PHLPP1: variants seen among roughly 807,000 people sequenced by gnomAD.
PHLPP1 encodes PH domain and leucine rich repeat protein phosphatase 1.
A neutral mutation model predicts 117.2 loss-of-function variants in PHLPP1; 42 were observed. That is an observed-to-expected ratio of 0.36 (90% confidence interval 0.28 to 0.46). PHLPP1 has a LOEUF of 0.46. Among genes scored for constraint, PHLPP1 ranks in the 20% least tolerant of loss-of-function variants. The pLI is 1.00. For missense variants in PHLPP1, 2,084 were observed against 2,241.9 expected (o/e 0.93, Z 1.42); for synonymous variants, 1,042 against 970.7 (o/e 1.07, Z -1.37).
At chr18:62,854,170 G>A (rs976669081) in intron 3 of PHLPP1, among the ~76,000 whole-genome samples, 1 of 152,212 alleles carries the variant, frequency 6.6e-6, no homozygotes, top group African/African-American at 2.4e-5. Context: ...TATCTTGTCT[G>A]TGGTTATAAG....
At chr18:62,810,361 A>G (rs1315307884) in intron 1 of PHLPP1, among the ~76,000 whole-genome samples, 2 of 152,158 alleles carry the variant, frequency 1.3e-5, no homozygotes, top group Non-Finnish European at 2.9e-5. Flanking sequence ...GTGATTAAGT[A>G]ATTTTTTTTT....
At chr18:62,916,669 G>A (rs975290782) in intron 9 of PHLPP1, among the ~76,000 whole-genome samples, 4 of 145,452 alleles carry the variant, frequency 2.8e-5, no homozygotes, top group African/African-American at 1.0e-4. Flanking sequence ...CAGGAAAAAT[G>A]AAAACAGTAG....
At chr18:62,756,212 G>C (rs2144241527) in intron 1 of PHLPP1, among the ~76,000 whole-genome samples, 1 of 152,264 alleles carries the variant, frequency 6.6e-6, no homozygotes, top group African/African-American at 2.4e-5. Context: ...TATCCACTCA[G>C]GGAGCCAGGC....
chr18:62,780,618 G>A (rs1348349565), intron 1 of PHLPP1, among the ~76,000 whole-genome samples: 1 of 152,230 alleles, frequency 6.6e-6, no homozygotes, highest in Non-Finnish European at 1.5e-5. Flanking sequence ...GTTAAAACAT[G>A]GATTGCTGCT....
In PHLPP1 at chr18:62,948,199, C is replaced by G. The variant is rs570527600; in HGVS notation, c.3324+2928C>G. 4.6e-5 allele frequency among the ~76,000 whole-genome samples: 7 copies of G among 152,012 alleles called. No homozygotes were observed. In the East Asian group the frequency reaches 9.7e-4, roughly 21 times the overall value. ...AATTAGCCAGGTGTGGTGGCACATTCCTGTAGTCCCAGCTACTTGGGAGGC... is the reference window on the plus strand; with the variant it reads ...AATTAGCCAGGTGTGGTGGCACATTGCTGTAGTCCCAGCTACTTGGGAGGC... On this transcript the variant is annotated intron_variant, in intron 12 of 16. Coordinates refer to ENST00000262719, the MANE Select transcript of PHLPP1 (RefSeq NM_194449.4).
chr18:62,819,288 T>C (rs756963781), intron 1 of PHLPP1, among the ~76,000 whole-genome samples: 7 of 152,222 alleles, frequency 4.6e-5, no homozygotes, highest in South Asian at 4.1e-4. Context: ...GTACTACTTA[T>C]GGTGTTCATG....
intron 1 of PHLPP1, chr18:62,825,407 T>G (rs1914583495): frequency 6.8e-6 from 1 of 147,556 alleles, no homozygotes; most frequent in African/African-American, 2.5e-5. Flanking sequence ...ATATATATTA[T>G]ATTTATTTTA....
intron 1 of PHLPP1, among the ~76,000 whole-genome samples, chr18:62,787,218 A>G (rs907324078): frequency 3.0e-4 from 45 of 151,890 alleles, no homozygotes; most frequent in African/African-American, 1.0e-3. Context: ...GCTAACCCCA[A>G]TTATCTGTAT....
intron 10 of PHLPP1, among the ~76,000 whole-genome samples, chr18:62,921,622 G>A (rs1013715345): frequency 5.9e-5 from 9 of 152,158 alleles, no homozygotes; most frequent in African/African-American, 1.9e-4. Context: ...TGGAATAAAG[G>A]AAAGTGCTCA....
intron 1 of PHLPP1, chr18:62,779,581 A>G (rs1013316566): frequency 6.6e-6 from 1 of 152,194 alleles, no homozygotes; most frequent in Non-Finnish European, 1.5e-5. Flanking sequence ...ACTAATTGAT[A>G]TGATTGTCTG....
intron 1 of PHLPP1, among the ~76,000 whole-genome samples, chr18:62,770,634 G>A (rs1467209538): frequency 6.6e-6 from 1 of 152,084 alleles, no homozygotes; most frequent in Non-Finnish European, 1.5e-5. Context: ...AATCCATGTA[G>A]GATGTCTTCA....
chr18:62,797,147 G>A (rs979536256), intron 1 of PHLPP1, among the ~76,000 whole-genome samples: 3 of 152,132 alleles, frequency 2.0e-5, no homozygotes, highest in Non-Finnish European at 4.4e-5. Flanking sequence ...CATACCTTCC[G>A]ACCTGTTTGG....
intron 4 of PHLPP1, among the ~76,000 whole-genome samples, chr18:62,879,498 G>A (rs180864453): frequency 1.9e-3 from 282 of 151,076 alleles, no homozygotes; most frequent in African/African-American, 6.6e-3. Context: ...TGCAACCTCC[G>A]CCTCCTGGGT....
intron 1 of PHLPP1, among the ~76,000 whole-genome samples, chr18:62,746,290 C>T (rs1911671351): frequency 1.3e-5 from 2 of 152,066 alleles, no homozygotes; most frequent in African/African-American, 4.8e-5. Flanking sequence ...GGTGATCCAC[C>T]CTCCTTGGCC....
rs71160879 is a variant in PHLPP1 at position 62,871,644 on chromosome 18, A to ATTTTTTTTTT, written c.2066+11057_2066+11066dup. 1.8e-3 allele frequency among the ~76,000 whole-genome samples: 196 copies of ATTTTTTTTTT among 108,606 alleles called. 1 individual carries two copies. Among genetic ancestry groups the ATTTTTTTTTT allele is most frequent in the Non-Finnish European group, 3.1e-3 (166 of 53,328 alleles). The allele number at this position is 108,606 out of a possible 152,430, so 71.2% of individuals were successfully genotyped here. ...CGCCTGGCCAAATTTAGCTCTGAAA[A>ATTTTTTTTTT]TTTTTTTTTTTTTTTTTTTTTTTAC... On this transcript the variant is annotated intron_variant, in intron 4 of 16. Coordinates refer to ENST00000262719, the MANE Select transcript of PHLPP1 (RefSeq NM_194449.4).
chr18:62,882,726 T>C (rs555606940), intron 4 of PHLPP1, among the ~76,000 whole-genome samples: 1 of 152,232 alleles, frequency 6.6e-6, no homozygotes, highest in East Asian at 1.9e-4. Flanking sequence ...AACAACAACA[T>C]GTGCTTGGTT....
intron 1 of PHLPP1, among the ~76,000 whole-genome samples, chr18:62,778,017 G>A (rs957499474): frequency 6.6e-6 from 1 of 152,054 alleles, no homozygotes; most frequent in African/African-American, 2.4e-5. Flanking sequence ...GTCACTTGTT[G>A]GAATCTCCAT....
At position 62,944,293 on chromosome 18, in the gene PHLPP1, A is replaced by G. The variant is rs544657028; in HGVS notation, c.3162-816A>G. Among the ~76,000 whole-genome samples, 9 of 152,258 alleles carry G rather than the reference A, an allele frequency of 5.9e-5. No individual in the cohort carries two copies. In the South Asian group the frequency reaches 1.9e-3, roughly 32 times the overall value. ...AGGTAGAGGCATTGTTTTTTCTTTC[A>G]AATTTATAAAGAATGCAAGAAACCC... On this transcript the variant is annotated intron_variant, in intron 11 of 16. Coordinates refer to ENST00000262719, the MANE Select transcript of PHLPP1 (RefSeq NM_194449.4).
chr18:62,728,008 C>G (rs1459265469), intron 1 of PHLPP1, among the ~76,000 whole-genome samples: 1 of 152,018 alleles, frequency 6.6e-6, no homozygotes, highest in Non-Finnish European at 1.5e-5. Flanking sequence ...TTTTTTAGGC[C>G]AGGTGCGGTG....
Sources: gnomAD v4.1 joint callset for allele counts (sites outside exome capture counted in the v4.1 genomes callset) on GRCh38, gnomAD v4.1.1 for gene constraint, MANE v1.5 for transcripts, NCBI Gene and HGNC (gene_info 2026-07-23, HGNC 2026-07-21) for gene names.